The following RETREG1 variants were observed in gnomAD, a reference collection of about 807,000 sequenced individuals.
RETREG1 encodes reticulophagy regulator 1.
In RETREG1, 44 loss-of-function variants were observed where a neutral mutation model predicts 54.8. The observed-to-expected ratio is 0.80, with a 90% confidence interval of 0.63 to 1.03. The LOEUF (loss-of-function observed/expected upper bound fraction) is 1.03. Ranked by LOEUF, RETREG1 falls within the 50% of genes least tolerant of loss-of-function variation. The pLI is 0.00. For missense variants in RETREG1, 554 were observed against 605.1 expected, an observed-to-expected ratio of 0.92 and a Z score of 0.89; for synonymous variants, 217 against 238.5, an observed-to-expected ratio of 0.91 and a Z score of 0.83.
At chr5:16,571,916 G>A (rs1400710169) in intron 2 of RETREG1, 80 bp downstream of exon 2, 1 of 1,008,708 alleles carries the variant, frequency 9.9e-7, no homozygotes, top group Non-Finnish European at 1.6e-6. Flanking sequence ...GGACTAATTG[G>A]CTAATATGCC....
intron 7 of RETREG1, 84 bp downstream of exon 7, chr5:16,477,950 T>G: frequency 7.5e-7 from 1 of 1,341,248 alleles, no homozygotes; most frequent in Non-Finnish European, 1.0e-6. Context: ...AGGAGTTTAT[T>G]AGGAAGATCA....
intron 3 of RETREG1, among the ~76,000 whole-genome samples, chr5:16,487,935 A>G (rs914337411): frequency 6.6e-6 from 1 of 152,332 alleles, no homozygotes; most frequent in Admixed American, 6.5e-5. Context: ...GGTCTGGCCA[A>G]ATAAGCCCTT....
intron 3 of RETREG1, among the ~76,000 whole-genome samples, chr5:16,499,823 G>C (rs572146991): frequency 6.6e-6 from 1 of 152,160 alleles, no homozygotes; most frequent in East Asian, 1.9e-4. Context: ...TCTGGGCTTC[G>C]ACCCTTTCCC....
At chr5:16,578,679 G>A (rs967192690) in intron 1 of RETREG1, among the ~76,000 whole-genome samples, 7 of 152,180 alleles carry the variant, frequency 4.6e-5, no homozygotes, top group Non-Finnish European at 8.8e-5. Flanking sequence ...TCTCATGCCA[G>A]GAAGCTCAAC....
At chr5:16,513,403 C>A (rs79521246) in intron 3 of RETREG1, among the ~76,000 whole-genome samples, 1 of 152,152 alleles carries the variant, frequency 6.6e-6, no homozygotes, top group Non-Finnish European at 1.5e-5. Context: ...TCTTTAGAGC[C>A]GCAACAGCTA....
chr5:16,542,208 C>T lies in RETREG1; in HGVS notation c.458+23555G>A, dbSNP rs58168464. Among the ~76,000 whole-genome samples, 174 of 152,330 alleles carry T rather than the reference C, an allele frequency of 1.1e-3. 1 individual carries two copies. The highest frequency in any genetic ancestry group is 4.1e-3 in the African/African-American group (169 of 41,580). On this transcript the variant is annotated intron_variant, in intron 3 of 8. Transcript: ENST00000306320. ...CTCAGGCCCCTCTGCGGCCACAGGC[C>T]ACCACTGCTCTCTCTGTCACCACGG...
chr5:16,562,936 A>G (rs1426406802), intron 3 of RETREG1, among the ~76,000 whole-genome samples: 1 of 151,330 alleles, frequency 6.6e-6, no homozygotes, highest in Non-Finnish European at 1.5e-5. Flanking sequence ...TAAATTAGCT[A>G]TTGCTTCATT....
At position 16,594,686 on chromosome 5, in the gene RETREG1, C is replaced by G. The variant is rs1742852362; in HGVS notation, c.320+21966G>C. On this transcript the variant is annotated intron_variant, in intron 1 of 8. Transcript: ENST00000306320. This position sits in a 1 kb window ranked among gnomAD's most constrained non-coding sequence, Gnocchi z 4.4. ...ACTGCAGTAAGCCAAGATTGCACCA[C>G]TGCACTCCAGCCTGGGCAACAGAGC... 6.6e-6 allele frequency among the ~76,000 whole-genome samples: 1 copy of G among 152,166 alleles called. No homozygotes were observed. Among genetic ancestry groups the G allele is most frequent in the African/African-American group, 2.4e-5 (1 of 41,436 alleles).
At chr5:16,484,225 C>A (rs952037736) in intron 3 of RETREG1, among the ~76,000 whole-genome samples, 1 of 152,038 alleles carries the variant, frequency 6.6e-6, no homozygotes, top group African/African-American at 2.4e-5. Flanking sequence ...CCTCAGTGAG[C>A]TAAAAACTAG....
At position 16,616,859 on chromosome 5, in the gene RETREG1, T is replaced by C. The variant is rs1434928018; in HGVS notation, c.113A>G (p.Gln38Arg). 3 of 1,508,968 alleles carry C rather than the reference T, an allele frequency of 2.0e-6. No homozygotes were observed. Among genetic ancestry groups the C allele is most frequent in the Middle Eastern group, 2.1e-4 (1 of 4,664 alleles). The allele number at this position is 1,508,968 out of a possible 1,614,324, so 93.5% of individuals were successfully genotyped here. A position where few individuals can be genotyped will look rare whatever the true frequency, so the allele number is the denominator to read the frequency against. ...PPPQASPAER[Q>R]QQEEEAQEAG... ...TTCCTGCGCTTCCTCCTCCTGCTGC[T>C]GCCGCTCTGCGGGGGATGCCTGGGG... The change falls in exon 1 of 9, where the codon CAG becomes CGG. Residue 38 changes from glutamine to arginine, a missense_variant. Around this residue, in one of 4 missense-constraint regions of RETREG1, gnomAD observed 175 missense variants for 142.1 expected, o/e 1.23. Coordinates refer to ENST00000306320, the MANE Select transcript of RETREG1 (RefSeq NM_001034850.3).
intron 1 of RETREG1, among the ~76,000 whole-genome samples, chr5:16,579,257 C>A (rs1742420035): frequency 6.6e-6 from 1 of 152,128 alleles, no homozygotes. Flanking sequence ...AAGGGATCGT[C>A]ATTAAACCTA....
chr5:16,484,018 C>T (rs972017539), intron 3 of RETREG1, among the ~76,000 whole-genome samples: 1 of 151,948 alleles, frequency 6.6e-6, no homozygotes, highest in Non-Finnish European at 1.5e-5. Context: ...ATTAAGCATA[C>T]AATATTAAGA....
At chr5:16,499,371 A>G (rs13155177) in intron 3 of RETREG1, among the ~76,000 whole-genome samples, 29,818 of 152,262 alleles carry the variant, frequency 0.2, 3,566 homozygotes, top group Middle Eastern at 0.29. Context: ...TATATGTGCC[A>G]TATAATTTGC....
intron 3 of RETREG1, among the ~76,000 whole-genome samples, chr5:16,537,368 C>T (rs145703386): frequency 6.6e-5 from 10 of 152,270 alleles, no homozygotes; most frequent in African/African-American, 1.9e-4. Context: ...GGAAATTCCG[C>T]GGAGGCTCAG....
At position 16,586,678 on chromosome 5, in the gene RETREG1, G is replaced by A. The variant is rs764359026; in HGVS notation, c.321-14576C>T. Reference sequence around the variant, plus strand: ...ATAAACTCTAGTTCTAGAGAATGCGGTGTAACAGATCCAAATATTAAACTG... The same window carrying A: ...ATAAACTCTAGTTCTAGAGAATGCGATGTAACAGATCCAAATATTAAACTG... On this transcript the variant is annotated intron_variant, in intron 1 of 8. Coordinates refer to ENST00000306320, the MANE Select transcript of RETREG1 (RefSeq NM_001034850.3). Among the ~76,000 whole-genome samples the A allele has an allele frequency of 5.6e-4, 86 of 152,322 alleles. No homozygotes were observed. In the Middle Eastern group the frequency reaches 0.01, roughly 18 times the overall value.
At chr5:16,507,343 A>G (rs543486387) in intron 3 of RETREG1, among the ~76,000 whole-genome samples, 1 of 152,344 alleles carries the variant, frequency 6.6e-6, no homozygotes, top group Non-Finnish European at 1.5e-5. Flanking sequence ...TGCCAAGAGG[A>G]AAATAAAAGT....
At chr5:16,551,377 T>C (rs183052132) in intron 3 of RETREG1, among the ~76,000 whole-genome samples, 1 of 152,324 alleles carries the variant, frequency 6.6e-6, no homozygotes, top group African/African-American at 2.4e-5. Context: ...CTGGTGCTCT[T>C]AGAACCCAGT....
intron 2 of RETREG1, 40 bp from the exon 3 acceptor site, chr5:16,565,833 T>G: frequency 6.2e-7 from 1 of 1,605,164 alleles, no homozygotes; most frequent in Non-Finnish European, 8.5e-7. Context: ...TTAACAGAGG[T>G]ATTTTTCTCC....
chr5:16,559,474 G>T (rs1025390096), intron 3 of RETREG1, among the ~76,000 whole-genome samples: 1 of 152,122 alleles, frequency 6.6e-6, no homozygotes, highest in African/African-American at 2.4e-5. Flanking sequence ...CACCGCTAGG[G>T]GCATCTGGAT....
Sources: allele counts gnomAD v4.1 joint callset (sites outside exome capture counted in the v4.1 genomes callset), GRCh38; gene constraint gnomAD v4.1.1; regional missense constraint gnomAD v4.1.1; non-coding constraint Gnocchi (gnomAD v3.1); transcripts MANE v1.5; gene names NCBI Gene and HGNC (gene_info 2026-07-23, HGNC 2026-07-21).